PCDH15: variants seen among roughly 807,000 people sequenced by gnomAD.
The protein encoded by PCDH15 is protocadherin related 15.
A neutral mutation model predicts 178.5 loss-of-function variants in PCDH15; 129 were observed. The ratio of observed to expected loss-of-function variants is 0.72; its 90% CI spans 0.63 to 0.84. PCDH15 has a LOEUF of 0.84. Ranked by LOEUF, PCDH15 falls within the 40% of genes least tolerant of loss-of-function variation. PCDH15 has a pLI of 0.00. For missense variants in PCDH15, 2,230 were observed against 2,099.9 expected (o/e 1.06, Z -1.21); for synonymous variants, 800 against 732.0 (o/e 1.09, Z -1.50).
chr10:55,542,226 G>A (rs777255229), intron 2 of PCDH15, among the ~76,000 whole-genome samples: 2 of 151,200 alleles, frequency 1.3e-5, no homozygotes, highest in Admixed American at 6.6e-5. Context: ...ATATGTGCAT[G>A]TGTACAGTAT....
At chr10:55,182,953 G>A (rs1397942417) in intron 1 of PCDH15, among the ~76,000 whole-genome samples, 1 of 151,960 alleles carries the variant, frequency 6.6e-6, no homozygotes, top group Non-Finnish European at 1.5e-5. Context: ...CAGGTGGGCA[G>A]AAACTGTGCA....
At chr10:55,071,123 A>G (rs921720710) in intron 2 of PCDH15, among the ~76,000 whole-genome samples, 60 of 152,298 alleles carry the variant, frequency 3.9e-4, no homozygotes, top group Non-Finnish European at 7.1e-4. Flanking sequence ...AGGAACAACC[A>G]GTACCAGCCA....
intron 8 of PCDH15, among the ~76,000 whole-genome samples, chr10:54,292,322 C>CA (rs753982587): frequency 3.3e-5 from 5 of 152,062 alleles, no homozygotes; most frequent in Non-Finnish European, 7.3e-5. Flanking sequence ...GGATGTATCT[C>CA]AAAATAATAA....
At chr10:55,578,220 A>C (rs1205732123) in intron 2 of PCDH15, among the ~76,000 whole-genome samples, 1 of 151,530 alleles carries the variant, frequency 6.6e-6, no homozygotes, top group Non-Finnish European at 1.5e-5. Flanking sequence ...ATTTTATTTT[A>C]TTTTATTATT....
chr10:54,557,921 G>A (rs894887056), intron 2 of PCDH15, among the ~76,000 whole-genome samples: 2 of 151,956 alleles, frequency 1.3e-5, no homozygotes, highest in Non-Finnish European at 2.9e-5. Context: ...AAATACTTCT[G>A]TTAGTATCTG....
chr10:54,718,758 C>A (rs573295974), intron 1 of PCDH15, among the ~76,000 whole-genome samples: 1 of 136,324 alleles, frequency 7.3e-6, no homozygotes, highest in South Asian at 2.5e-4. Flanking sequence ...GTGGTACAAT[C>A]TCGGCTCACT....
At chr10:53,821,197 T>C (rs2076252462) in intron 32 of PCDH15, 1 of 976,230 alleles carries the variant, frequency 1.0e-6, no homozygotes, top group Non-Finnish European at 1.2e-6. Flanking sequence ...ATAAGATTTA[T>C]CAAATCCATA....
chr10:54,983,866 TC>T (rs989377998), intron 2 of PCDH15, among the ~76,000 whole-genome samples: 28 of 152,112 alleles, frequency 1.8e-4, no homozygotes, highest in African/African-American at 6.7e-4. Flanking sequence ...CTGTACCTCC[TC>T]CCCATTCCCT....
chr10:54,682,518 T>C (rs1250263719), intron 1 of PCDH15, among the ~76,000 whole-genome samples: 3 of 152,196 alleles, frequency 2.0e-5, no homozygotes, highest in Non-Finnish European at 2.9e-5. Context: ...CCACGAACAA[T>C]ATGATTTTTT....
At chr10:53,876,959 C>T (rs2080293102) in intron 26 of PCDH15, among the ~76,000 whole-genome samples, 2 of 152,044 alleles carry the variant, frequency 1.3e-5, no homozygotes. Flanking sequence ...TCAAAATTTA[C>T]TCTTAATTTA....
chr10:54,490,535 A>T (rs11818287), intron 3 of PCDH15, among the ~76,000 whole-genome samples: 297 of 152,100 alleles, frequency 2.0e-3, no homozygotes, highest in Middle Eastern at 6.8e-3. Flanking sequence ...AAAAATTTTT[A>T]AAAAAGTTAT....
intron 2 of PCDH15, among the ~76,000 whole-genome samples, chr10:55,155,696 C>T (rs1287686865): frequency 6.6e-6 from 1 of 151,848 alleles, no homozygotes; most frequent in Non-Finnish European, 1.5e-5. Context: ...GGGGCTGTTT[C>T]CTTAAAGAGT....
At chr10:53,990,317 A>T (rs1293945361) in intron 21 of PCDH15, among the ~76,000 whole-genome samples, 1 of 151,942 alleles carries the variant, frequency 6.6e-6, no homozygotes, top group African/African-American at 2.4e-5. Context: ...AGTTGTAATG[A>T]TTTTCTCTTT....
chr10:53,831,328 C>G lies in PCDH15; in HGVS notation c.4189G>C (p.Val1397Leu). 1.9e-6 allele frequency: 3 copies of G among 1,614,110 alleles called. No individual in the cohort carries two copies. The highest frequency in any genetic ancestry group is 2.5e-6 in the Non-Finnish European group (3 of 1,180,016). The change falls in exon 30 of 38, where the codon GTC becomes CTC. Residue 1397 changes from valine (V) to leucine (L), a missense_variant. Physicochemically the swap from Val to Leu is conservative, Grantham distance 32 (BLOSUM62 1). Coordinates refer to ENST00000644397, the MANE Select transcript of PCDH15 (RefSeq NM_001384140.1). ...CCIPAILVVL[V>L]SYRQFKVRQA... is the part of the protein sequence containing the mutation. ...TTGAATACTTACTGTCTGTAGCTGACCAAAACCACCAAGATGGCAGGAATG... is the reference window on the plus strand; with the variant it reads ...TTGAATACTTACTGTCTGTAGCTGAGCAAAACCACCAAGATGGCAGGAATG...
At chr10:55,201,591 G>T (rs1233425679) in intron 1 of PCDH15, among the ~76,000 whole-genome samples, 1 of 152,112 alleles carries the variant, frequency 6.6e-6, no homozygotes, top group Non-Finnish European at 1.5e-5. Flanking sequence ...TGGATGCTTT[G>T]GCAGAAAGAT....
Position 54,757,536 on chromosome 10 carries a change from C to T in PCDH15, c.-29+43389G>A, listed in dbSNP as rs1406521710. Among the ~76,000 whole-genome samples, 6 of 32,360 alleles carry T rather than the reference C, an allele frequency of 1.9e-4. 2 individuals carry two copies. The highest frequency in any genetic ancestry group is 4.4e-4 in the Non-Finnish European group (6 of 13,526). 21.2% of individuals were successfully genotyped at this position (32,360 alleles called of 152,430 possible). A position where few individuals can be genotyped will look rare whatever the true frequency, so the allele number is the denominator to read the frequency against. The stretch of plus-strand genomic sequence containing the variant: ...GACCTCGTGATCCGCCCGTCTCGGC[C>T]TCCCAAAGTGCTGGGATTACAGGCG... On this transcript the variant is annotated intron_variant, in intron 1 of 37. Transcript: ENST00000644397.
chr10:54,312,542 C>A (rs1328799980), intron 8 of PCDH15, among the ~76,000 whole-genome samples: 2 of 152,010 alleles, frequency 1.3e-5, no homozygotes, highest in Non-Finnish European at 2.9e-5. Context: ...AAAATTTCTG[C>A]CTAATTCTCT....
intron 2 of PCDH15, among the ~76,000 whole-genome samples, chr10:55,396,610 G>A (rs924857256): frequency 1.3e-5 from 2 of 152,036 alleles, no homozygotes; most frequent in East Asian, 1.9e-4. Flanking sequence ...GGCAAACAAA[G>A]AAAACTTTGA....
chr10:55,144,853 G>A (rs182291453), intron 2 of PCDH15, among the ~76,000 whole-genome samples: 377 of 151,912 alleles, frequency 2.5e-3, no homozygotes, highest in Middle Eastern at 6.8e-3. Flanking sequence ...ATTCATTACA[G>A]TGCTCCATAT....
Sources: allele counts gnomAD v4.1 joint callset (sites outside exome capture counted in the v4.1 genomes callset), GRCh38; gene constraint gnomAD v4.1.1; transcripts MANE v1.5; gene names NCBI Gene and HGNC (gene_info 2026-07-23, HGNC 2026-07-21).